LRP1B: variants seen among roughly 807,000 people sequenced by gnomAD.
LRP1B encodes low-density lipoprotein receptor-related protein 1B.
In LRP1B, 217 loss-of-function variants were observed where a neutral mutation model predicts 556.6. That is an observed-to-expected ratio of 0.39 (90% confidence interval 0.35 to 0.44). LRP1B has a LOEUF of 0.44. Ranked by LOEUF, LRP1B falls within the 20% of genes least tolerant of loss-of-function variation. The pLI, the probability that LRP1B is intolerant of heterozygous loss-of-function variation, is 1.00. For synonymous variants in LRP1B, 2,047 were observed against 1,865.8 expected (o/e 1.10, Z -2.50); for missense variants, 5,053 against 5,620.8 (o/e 0.90, Z 3.23).
At chr2:140,520,510 C>T (rs554562773) in intron 49 of LRP1B, among the ~76,000 whole-genome samples, 3 of 151,714 alleles carry the variant, frequency 2.0e-5, no homozygotes, top group Admixed American at 6.6e-5. Flanking sequence ...ATGTGGATGG[C>T]GAGTTGATGG....
At chr2:142,123,873 T>G (rs1275087680) in intron 1 of LRP1B, among the ~76,000 whole-genome samples, 2 of 151,946 alleles carry the variant, frequency 1.3e-5, no homozygotes, top group Non-Finnish European at 1.5e-5. Flanking sequence ...TACAAATGTA[T>G]TAATCAAAAT....
intron 69 of LRP1B, among the ~76,000 whole-genome samples, chr2:140,371,562 CA>C (rs1682997309): frequency 6.7e-6 from 1 of 150,292 alleles, no homozygotes; most frequent in East Asian, 2.0e-4. Context: ...GAAAAAAAAA[CA>C]AACAAACCTT....
At chr2:140,952,240 A>G (rs1293711376) in intron 18 of LRP1B, among the ~76,000 whole-genome samples, 1 of 152,180 alleles carries the variant, frequency 6.6e-6, no homozygotes, top group Admixed American at 6.5e-5. Context: ...CCATGCACCA[A>G]GGGACTCAAC....
intron 2 of LRP1B, among the ~76,000 whole-genome samples, chr2:141,584,826 G>A (rs1464052831): frequency 1.3e-5 from 2 of 152,118 alleles, no homozygotes; most frequent in African/African-American, 4.8e-5. Context: ...CCATTTATAT[G>A]AGATACCTAC....
chr2:140,361,667 C>T (rs1293654466), intron 72 of LRP1B, among the ~76,000 whole-genome samples: 4 of 151,240 alleles, frequency 2.6e-5, no homozygotes, highest in Non-Finnish European at 4.4e-5. Context: ...ACCTGAGTCT[C>T]TTCTGCCAGC....
At chr2:141,776,142 G>T (rs377172968) in intron 2 of LRP1B, among the ~76,000 whole-genome samples, 1 of 152,186 alleles carries the variant, frequency 6.6e-6, no homozygotes, top group South Asian at 2.1e-4. Flanking sequence ...CACCAGCCCC[G>T]CCAAGTTTTC....
chr2:141,971,832 T>C (rs1207602218), intron 1 of LRP1B, among the ~76,000 whole-genome samples: 1 of 151,526 alleles, frequency 6.6e-6, no homozygotes, highest in Non-Finnish European at 1.5e-5. Flanking sequence ...GGCAGAGTTC[T>C]TTTGAAACTG....
intron 18 of LRP1B, among the ~76,000 whole-genome samples, chr2:140,953,645 T>C (rs1455225105): frequency 6.6e-6 from 1 of 152,182 alleles, no homozygotes; most frequent in Non-Finnish European, 1.5e-5. Flanking sequence ...TATTCACATG[T>C]TACTCATCAA....
chr2:142,102,214 G>A (rs1033244679), intron 1 of LRP1B, among the ~76,000 whole-genome samples: 2 of 151,850 alleles, frequency 1.3e-5, no homozygotes, highest in African/African-American at 4.8e-5. Flanking sequence ...CAAAACATTA[G>A]CCTTATGCAT....
intron 6 of LRP1B, among the ~76,000 whole-genome samples, chr2:141,226,429 T>A (rs552561408): frequency 6.6e-6 from 1 of 152,242 alleles, no homozygotes; most frequent in South Asian, 2.1e-4. Flanking sequence ...CAATAAAATA[T>A]TTACTATTAT....
intron 25 of LRP1B, among the ~76,000 whole-genome samples, chr2:140,881,877 T>G (rs1693486101): frequency 1.3e-5 from 2 of 152,280 alleles, no homozygotes; most frequent in South Asian, 4.1e-4. Context: ...TTTGTGTTTT[T>G]GTTTTCTTTC....
intron 73 of LRP1B, 50 bp from the exon 74 acceptor site, chr2:140,358,166 C>G (rs1174480864): frequency 6.5e-7 from 1 of 1,546,008 alleles, no homozygotes; most frequent in Non-Finnish European, 8.8e-7. Context: ...TCAAAACACT[C>G]TTATTGAGCA....
At chr2:141,280,209 C>A (rs1035737392) in intron 3 of LRP1B, among the ~76,000 whole-genome samples, 4 of 152,024 alleles carry the variant, frequency 2.6e-5, no homozygotes, top group African/African-American at 7.2e-5. Context: ...TTGCCTTTCC[C>A]CAAAGTGACC....
chr2:141,761,383 C>A (rs1278843470), intron 2 of LRP1B, among the ~76,000 whole-genome samples: 1 of 143,180 alleles, frequency 7.0e-6, no homozygotes, highest in African/African-American at 2.5e-5. Context: ...ACATTGAAGT[C>A]TAGTTTATTA....
intron 32 of LRP1B, among the ~76,000 whole-genome samples, chr2:140,782,410 C>A (rs116783373): frequency 1.4e-4 from 21 of 152,174 alleles, no homozygotes; most frequent in African/African-American, 5.1e-4. Flanking sequence ...GACATTGGGA[C>A]ACAGATATGC....
At chr2:142,120,581 C>A (rs1217837125) in intron 1 of LRP1B, among the ~76,000 whole-genome samples, 1 of 152,172 alleles carries the variant, frequency 6.6e-6, no homozygotes, top group East Asian at 1.9e-4. Context: ...TGAAAAGGAG[C>A]TCTTTCTTTA....
At chr2:141,305,292 C>T (rs1051817651) in intron 3 of LRP1B, among the ~76,000 whole-genome samples, 2 of 152,070 alleles carry the variant, frequency 1.3e-5, no homozygotes, top group African/African-American at 4.8e-5. Context: ...TTGTAGAGGT[C>T]TCTCACCTCC....
intron 2 of LRP1B, chr2:141,805,238 G>C (rs1225756630): frequency 6.6e-6 from 1 of 152,100 alleles, no homozygotes; most frequent in East Asian, 1.9e-4. Context: ...TATCTACTAG[G>C]AGAGAAGCAG....
At chr2:140,942,364 A>G (rs1159584041) in intron 20 of LRP1B, among the ~76,000 whole-genome samples, 2 of 152,184 alleles carry the variant, frequency 1.3e-5, no homozygotes, top group African/African-American at 4.8e-5. Flanking sequence ...TGGAAAACAT[A>G]TTTGAGGATA....
Sources: gnomAD v4.1 joint callset for allele counts (sites outside exome capture counted in the v4.1 genomes callset) on GRCh38, gnomAD v4.1.1 for gene constraint, MANE v1.5 for transcripts, NCBI Gene and HGNC (gene_info 2026-07-23, HGNC 2026-07-21) for gene names.